TENT5D: variants seen among roughly 807,000 people sequenced by gnomAD.
The protein encoded by TENT5D is terminal nucleotidyltransferase 5D, also known as cancer/testis antigen 112.
For synonymous variants in TENT5D, 103 were observed against 100.6 expected, an observed-to-expected ratio of 1.02 and a Z score of -0.15; for missense variants, 191 against 287.0, an observed-to-expected ratio of 0.67 and a Z score of 2.42.
intron 3 of TENT5D, among the ~76,000 whole-genome samples, chrX:80,357,783 T>C (rs1446465032): frequency 9.0e-6 from 1 of 111,340 alleles, no homozygotes; most frequent in Non-Finnish European, 1.9e-5. Context: ...AAGCTACCAA[T>C]GACTTTCTTC....
chrX:80,406,330 G>C (rs1318284199), intron 3 of TENT5D, among the ~76,000 whole-genome samples: 1 of 107,792 alleles, frequency 9.3e-6, no homozygotes, highest in Non-Finnish European at 1.9e-5. Flanking sequence ...CAAACCAAAG[G>C]CAAAGAAGTT....
At chrX:80,384,033 A>G (rs1256561653) in intron 3 of TENT5D, among the ~76,000 whole-genome samples, 1 of 109,839 alleles carries the variant, frequency 9.1e-6, no homozygotes, top group Non-Finnish European at 1.9e-5. Context: ...CAATCAATAG[A>G]AAAAGAGGGA....
intron 3 of TENT5D, among the ~76,000 whole-genome samples, chrX:80,372,493 A>G (rs1407176694): frequency 9.0e-6 from 1 of 111,675 alleles, no homozygotes; most frequent in Admixed American, 9.6e-5. Context: ...TTTATTGTAT[A>G]TCTGTATTTG....
chrX:80,380,440 T>C (rs1047304289), intron 3 of TENT5D, among the ~76,000 whole-genome samples: 1 of 111,339 alleles, frequency 9.0e-6, no homozygotes, highest in Non-Finnish European at 1.9e-5. Context: ...ATTCTGTTGA[T>C]TTTTGGTGGA....
chrX:80,405,666 G>T (rs776674566), intron 3 of TENT5D, among the ~76,000 whole-genome samples: 2 of 111,272 alleles, frequency 1.8e-5, no homozygotes, highest in African/African-American at 6.6e-5. Context: ...AGGCGGCAGC[G>T]AGGCTGGAGG....
At chrX:80,362,837 A>T (rs756087059) in intron 3 of TENT5D, among the ~76,000 whole-genome samples, 1 of 111,621 alleles carries the variant, frequency 9.0e-6, no homozygotes, top group East Asian at 2.8e-4. Context: ...AAATTCTTAG[A>T]TGTAATTAAT....
At chrX:80,445,067 G>A (rs1932357631) in exon 3 of TENT5D, 2 of 122,031 alleles carry the variant, frequency 1.6e-5, no homozygotes, top group Non-Finnish European at 3.8e-5. Flanking sequence ...GTTGTATCCC[G>A]ATAATTTGCC....
chrX:80,336,374 C>CA (rs1929850276), intron 2 of TENT5D, among the ~76,000 whole-genome samples: 1 of 110,359 alleles, frequency 9.1e-6, no homozygotes, highest in African/African-American at 3.3e-5. Context: ...GCTGGAAAAA[C>CA]AAACCTTTTA....
rs780442847 is a variant in TENT5D, at chrX:80,374,499, C to A, written c.-142+31935C>A. 3.6e-5 allele frequency among the ~76,000 whole-genome samples: 4 copies of A among 110,587 alleles called. No homozygotes were observed. In the East Asian group the frequency reaches 8.6e-4, roughly 24 times the overall value. On this transcript the variant is annotated intron_variant, in intron 3 of 4. Coordinates refer to the TENT5D transcript ENST00000538312. ...TCCTTTTTCTCCACAACCTTGCCAG[C>A]ACTTGTTTGGTGATTTTTTTTTTAC...
chrX:80,383,610 A>G (rs1264981026), intron 3 of TENT5D, among the ~76,000 whole-genome samples: 1 of 112,349 alleles, frequency 8.9e-6, no homozygotes, highest in Non-Finnish European at 1.9e-5. Context: ...TAATCCCAGC[A>G]CTTTGTGAGG....
At chrX:80,411,225 C>T (rs1274968384) in intron 3 of TENT5D, among the ~76,000 whole-genome samples, 1 of 109,359 alleles carries the variant, frequency 9.1e-6, no homozygotes, top group Admixed American at 9.7e-5. Context: ...GCACATGTAC[C>T]CTAAAACTTA....
At chrX:80,352,957 G>A (rs1433720864) in intron 3 of TENT5D, among the ~76,000 whole-genome samples, 1 of 110,833 alleles carries the variant, frequency 9.0e-6, no homozygotes, top group African/African-American at 3.3e-5. Flanking sequence ...CACTTCCTGG[G>A]TGAGTCAACA....
chrX:80,396,154 G>A (rs1325408187), intron 3 of TENT5D, among the ~76,000 whole-genome samples: 1 of 111,277 alleles, frequency 9.0e-6, no homozygotes, highest in Non-Finnish European at 1.9e-5. Context: ...CTGGGAACAT[G>A]GGGGTGCAGA....
intron 3 of TENT5D, among the ~76,000 whole-genome samples, chrX:80,354,751 C>T (rs1056704467): frequency 1.8e-5 from 2 of 112,056 alleles, no homozygotes; most frequent in Admixed American, 1.9e-4. Flanking sequence ...GGAAAACACT[C>T]TGGCTTTTAG....
intron 2 of TENT5D, among the ~76,000 whole-genome samples, chrX:80,336,456 T>G (rs1379064163): frequency 9.1e-6 from 1 of 110,310 alleles, no homozygotes; most frequent in Non-Finnish European, 1.9e-5. Context: ...GATTGCTTTA[T>G]TTTTGATGTC....
At chrX:80,380,021 T>G in intron 3 of TENT5D, among the ~76,000 whole-genome samples, 1 of 106,234 alleles carries the variant, frequency 9.4e-6, no homozygotes, top group Non-Finnish European at 1.9e-5. Context: ...TGTTTGCTCT[T>G]GCTTCTCTAG....
chrX:80,357,397 A>G (rs1392832071), intron 3 of TENT5D, among the ~76,000 whole-genome samples: 1 of 107,692 alleles, frequency 9.3e-6, no homozygotes, highest in Non-Finnish European at 1.9e-5. Flanking sequence ...AAGTGTTCCT[A>G]TTTCTCCACA....
intron 3 of TENT5D, among the ~76,000 whole-genome samples, chrX:80,384,662 A>G (rs2147533916): frequency 9.8e-6 from 1 of 102,117 alleles, no homozygotes; most frequent in East Asian, 3.0e-4. Flanking sequence ...ACATGATTGT[A>G]TATCTAGAAA....
intron 3 of TENT5D, among the ~76,000 whole-genome samples, chrX:80,372,433 G>A (rs1224474367): frequency 8.9e-6 from 1 of 111,907 alleles, no homozygotes; most frequent in African/African-American, 3.2e-5. Context: ...TGTAAGCATT[G>A]TGTGTATATA....
Sources: gnomAD v4.1 joint callset for allele counts (sites outside exome capture counted in the v4.1 genomes callset) on GRCh38, gnomAD v4.1.1 for gene constraint, MANE v1.5 for transcripts, NCBI Gene and HGNC (gene_info 2026-07-23, HGNC 2026-07-21) for gene names.